The following SMPD3 variants were observed in gnomAD, a reference collection of about 807,000 sequenced individuals.
The protein encoded by SMPD3 is sphingomyelin phosphodiesterase 3, also known as nSMase-2.
SMPD3 carries 21 observed loss-of-function variants against 55.7 expected under a neutral mutation model. The observed-to-expected ratio is 0.38, with a 90% CI of 0.27 to 0.54. The LOEUF (loss-of-function observed/expected upper bound fraction) is 0.54. Ranked by LOEUF, SMPD3 falls within the 20% of genes least tolerant of loss-of-function variation. The probability of loss-of-function intolerance (pLI) is 0.80; values close to 1 mark genes in which losing one functional copy is unlikely to be tolerated. For synonymous variants in SMPD3, 457 were observed against 404.3 expected, an observed-to-expected ratio of 1.13 and a Z score of -1.56; for missense variants, 842 against 899.6, an observed-to-expected ratio of 0.94 and a Z score of 0.82.
chr16:68,364,568 G>C, intron 5 of SMPD3, 183 bp downstream of exon 5: 2 of 685,236 alleles, frequency 2.9e-6, no homozygotes, highest in Non-Finnish European at 2.4e-6. Context: ...TCTAGGCAGA[G>C]CGTGGGCTCT....
intron 1 of SMPD3, among the ~76,000 whole-genome samples, chr16:68,439,913 C>A (rs2090552911): frequency 6.6e-6 from 1 of 152,172 alleles, no homozygotes; most frequent in Admixed American, 6.5e-5. Flanking sequence ...GCTGTAAACA[C>A]CGAGGTCAGA....
At chr16:68,408,518 T>A (rs1435394790) in intron 1 of SMPD3, among the ~76,000 whole-genome samples, 2 of 152,362 alleles carry the variant, frequency 1.3e-5, no homozygotes, top group East Asian at 3.9e-4. Context: ...AAGTAAAGCC[T>A]GGGCAATGCT....
intron 1 of SMPD3, among the ~76,000 whole-genome samples, chr16:68,431,978 G>A (rs2090484155): frequency 6.6e-6 from 1 of 151,846 alleles, no homozygotes; most frequent in South Asian, 2.1e-4. Flanking sequence ...AGCTGGGTGT[G>A]GTGGTGCGGG....
intron 2 of SMPD3, among the ~76,000 whole-genome samples, chr16:68,376,559 C>T (rs1017382329): frequency 3.9e-5 from 6 of 152,346 alleles, no homozygotes; most frequent in Middle Eastern, 6.8e-3. Flanking sequence ...TTGAAGTCCA[C>T]AGTTATCCAT....
At position 68,371,243 on chromosome 16, in the gene SMPD3, G is replaced by A. The variant is rs772710645; in HGVS notation, c.939C>T (p.Ala313=). 1.2e-6 allele frequency: 2 copies of A among 1,606,474 alleles called. No homozygotes were observed. The highest frequency in any genetic ancestry group is 1.7e-6 in the Non-Finnish European group (2 of 1,177,548). The change falls in exon 3 of 9, where the codon GCC becomes GCT. Residue 313 remains alanine (A), a synonymous_variant. Transcript: ENST00000219334. The part of the protein sequence containing the change: ...VKGRAGPDTS[A]SGEPGANSKL... ...TGCTGTTGGCACCTGGCTCCCCGCTGGCACTGGTGTCTGGCCCAGCTCGCC... is the reference window on the plus strand; with the variant it reads ...TGCTGTTGGCACCTGGCTCCCCGCTAGCACTGGTGTCTGGCCCAGCTCGCC...
chr16:68,373,853 G>A (rs908218723), intron 2 of SMPD3, among the ~76,000 whole-genome samples: 2 of 152,016 alleles, frequency 1.3e-5, no homozygotes, highest in African/African-American at 4.8e-5. Flanking sequence ...TCCCCTGGAC[G>A]CCCGCCTCTC....
chr16:68,437,785 A>T (rs2090534786), intron 1 of SMPD3, among the ~76,000 whole-genome samples: 1 of 152,158 alleles, frequency 6.6e-6, no homozygotes. Flanking sequence ...TTGTCATTAG[A>T]AGCGTAGCCA....
chr16:68,397,413 C>T (rs1367728911), intron 1 of SMPD3, among the ~76,000 whole-genome samples: 1 of 152,192 alleles, frequency 6.6e-6, no homozygotes, highest in Non-Finnish European at 1.5e-5. Flanking sequence ...CCAGCAGGAA[C>T]CAGGTAGAGT....
intron 3 of SMPD3, among the ~76,000 whole-genome samples, chr16:68,366,672 C>A (rs1183684967): frequency 6.6e-6 from 1 of 152,136 alleles, no homozygotes; most frequent in Non-Finnish European, 1.5e-5. Context: ...TCGAGACCAG[C>A]CTGGCCAACA....
intron 6 of SMPD3, 48 bp from the exon 7 acceptor site, chr16:68,363,607 G>T (rs1356735045): frequency 6.3e-7 from 1 of 1,576,584 alleles, no homozygotes; most frequent in East Asian, 2.2e-5. Context: ...CAGGGCCCAG[G>T]CAGCCTCTAG....
chr16:68,415,231 G>C (rs1406300693), intron 1 of SMPD3, among the ~76,000 whole-genome samples: 1 of 152,188 alleles, frequency 6.6e-6, no homozygotes, highest in African/African-American at 2.4e-5. Context: ...AGAGGGCCAG[G>C]AAGAAGCTCC....
chr16:68,380,359 G>T (rs1482932973), intron 2 of SMPD3, among the ~76,000 whole-genome samples: 1 of 152,228 alleles, frequency 6.6e-6, no homozygotes, highest in Non-Finnish European at 1.5e-5. Context: ...TGAAGATGGG[G>T]AACCTCCTCC....
intron 1 of SMPD3, among the ~76,000 whole-genome samples, chr16:68,389,695 C>A (rs534349794): frequency 2.0e-4 from 31 of 152,216 alleles, no homozygotes; most frequent in African/African-American, 7.2e-4. Context: ...CAGTGTCAGA[C>A]CTCATGCAGA....
intron 1 of SMPD3, among the ~76,000 whole-genome samples, chr16:68,416,765 C>G (rs1426003262): frequency 6.6e-6 from 1 of 152,052 alleles, no homozygotes; most frequent in Non-Finnish European, 1.5e-5. Flanking sequence ...GGCTTCAAGC[C>G]CTATCTGTCC....
At chr16:68,375,224 C>T (rs1233714373) in intron 2 of SMPD3, among the ~76,000 whole-genome samples, 1 of 145,664 alleles carries the variant, frequency 6.9e-6, no homozygotes, top group Non-Finnish European at 1.5e-5. Context: ...GGTGGTCTCA[C>T]TGTCTTGGGG....
intron 1 of SMPD3, among the ~76,000 whole-genome samples, chr16:68,387,229 G>T (rs531295512): frequency 1.3e-5 from 2 of 152,184 alleles, no homozygotes; most frequent in African/African-American, 2.4e-5. Context: ...AAAGGGATTT[G>T]GTGGCTCCCC....
chr16:68,433,794 T>G (rs999672791), intron 1 of SMPD3, among the ~76,000 whole-genome samples: 25 of 152,150 alleles, frequency 1.6e-4, no homozygotes, highest in African/African-American at 6.0e-4. Flanking sequence ...CCAAACCCCA[T>G]GAATATATGT....
chr16:68,402,542 T>TA (rs1491155944), intron 1 of SMPD3, among the ~76,000 whole-genome samples: 1 of 152,104 alleles, frequency 6.6e-6, no homozygotes, highest in African/African-American at 2.4e-5. Context: ...AGTGATTTGT[T>TA]ATATAGCATG....
chr16:68,446,132 GAA>G lies in SMPD3; in HGVS notation c.-269+2219_-269+2220del, dbSNP rs553077752. Among the ~76,000 whole-genome samples, 57 of 152,276 alleles carry G rather than the reference GAA, an allele frequency of 3.7e-4. No homozygotes were observed. In the East Asian group the frequency reaches 6.9e-3, roughly 19 times the overall value. The stretch of plus-strand genomic sequence containing the variant: ...TGAGTCCCCTGCCAAGCCTCACTTG[GAA>G]ACACATGGTGGTGGTGAGGGGGCAG... On this transcript the variant is annotated intron_variant, in intron 1 of 8. Transcript: ENST00000219334.
Sources: allele counts gnomAD v4.1 joint callset (sites outside exome capture counted in the v4.1 genomes callset), GRCh38; gene constraint gnomAD v4.1.1; transcripts MANE v1.5; gene names NCBI Gene and HGNC (gene_info 2026-07-23, HGNC 2026-07-21).